SHISA9: variants seen among roughly 807,000 people sequenced by gnomAD.
SHISA9 encodes protein shisa-9.
In SHISA9, 13 loss-of-function variants were observed where a neutral mutation model predicts 38.0. The observed-to-expected ratio is 0.34, with a 90% CI of 0.22 to 0.54. SHISA9 has a LOEUF of 0.54. Among genes scored for constraint, SHISA9 ranks in the 20% least tolerant of loss-of-function variants. The probability of loss-of-function intolerance (pLI) is 0.91; values close to 1 mark genes in which losing one functional copy is unlikely to be tolerated. For synonymous variants in SHISA9, 275 were observed against 242.0 expected, an observed-to-expected ratio of 1.14 and a Z score of -1.27; for missense variants, 538 against 575.8, an observed-to-expected ratio of 0.93 and a Z score of 0.67.
intron 2 of SHISA9, among the ~76,000 whole-genome samples, chr16:12,978,626 A>G (rs1355670190): frequency 1.3e-5 from 2 of 152,224 alleles, no homozygotes; most frequent in Non-Finnish European, 2.9e-5. Flanking sequence ...GATGTGATAA[A>G]TAGCCCCAAA....
chr16:13,387,293 A>C, the SHISA9 span, among the ~76,000 whole-genome samples: 1 of 152,182 alleles, frequency 6.6e-6, no homozygotes, highest in Non-Finnish European at 1.5e-5. Flanking sequence ...AGATGAAGTC[A>C]TACTAGAGTA....
At chr16:13,559,547 TTA>T in the SHISA9 span, among the ~76,000 whole-genome samples, 2 of 151,914 alleles carry the variant, frequency 1.3e-5, no homozygotes, top group South Asian at 4.2e-4. Flanking sequence ...CTGGCTAATT[TTA>T]TATATATATT....
chr16:13,339,855 T>C, the SHISA9 span, among the ~76,000 whole-genome samples: 4 of 152,176 alleles, frequency 2.6e-5, no homozygotes, highest in South Asian at 8.3e-4. Flanking sequence ...GTTATGAAAG[T>C]TACATGAATA....
At chr16:12,962,502 A>G (rs1367692253) in intron 2 of SHISA9, among the ~76,000 whole-genome samples, 1 of 152,258 alleles carries the variant, frequency 6.6e-6, no homozygotes, top group Non-Finnish European at 1.5e-5. Context: ...GAGTTAGATT[A>G]GAATATCATG....
chr16:13,523,116 G>A, the SHISA9 span, among the ~76,000 whole-genome samples: 1 of 152,172 alleles, frequency 6.6e-6, no homozygotes, highest in Admixed American at 6.5e-5. Context: ...GGGAGGCCAA[G>A]GCGGGCAGAT....
chr16:13,534,538 C>T, the SHISA9 span, among the ~76,000 whole-genome samples: 1 of 152,100 alleles, frequency 6.6e-6, no homozygotes, highest in Non-Finnish European at 1.5e-5. Flanking sequence ...AGAATATTGA[C>T]TTATCAAGAT....
chr16:13,285,286 A>G, the SHISA9 span, among the ~76,000 whole-genome samples: 71 of 152,186 alleles, frequency 4.7e-4, no homozygotes, highest in African/African-American at 1.7e-3. Flanking sequence ...ATTCTTTTTC[A>G]TACAGTTAGA....
chr16:13,358,935 A>G, the SHISA9 span, among the ~76,000 whole-genome samples: 12 of 152,240 alleles, frequency 7.9e-5, no homozygotes, highest in African/African-American at 2.9e-4. Flanking sequence ...TACACTGTGT[A>G]TGGTACTGAA....
intron 2 of SHISA9, among the ~76,000 whole-genome samples, chr16:13,117,808 G>A (rs2074045420): frequency 6.6e-6 from 1 of 152,146 alleles, no homozygotes; most frequent in Non-Finnish European, 1.5e-5. Context: ...GCATCATCAG[G>A]AAACTGACAA....
chr16:12,993,455 C>T (rs1462974894), intron 2 of SHISA9, among the ~76,000 whole-genome samples: 1 of 152,168 alleles, frequency 6.6e-6, no homozygotes, highest in Non-Finnish European at 1.5e-5. Flanking sequence ...TTCTGAGCTT[C>T]AGTTTCCTTC....
chr16:13,097,853 C>T (rs2073842786), intron 2 of SHISA9, among the ~76,000 whole-genome samples: 2 of 152,232 alleles, frequency 1.3e-5, no homozygotes, highest in Non-Finnish European at 2.9e-5. Flanking sequence ...CATCCTACTT[C>T]ACCAGGTTGT....
intron 2 of SHISA9, among the ~76,000 whole-genome samples, chr16:13,038,141 C>G (rs1347613185): frequency 6.6e-6 from 1 of 152,080 alleles, no homozygotes; most frequent in African/African-American, 2.4e-5. Flanking sequence ...AGGTGTGCAC[C>G]ATCATGCCTG....
the SHISA9 span, among the ~76,000 whole-genome samples, chr16:13,478,215 C>A: frequency 6.6e-6 from 1 of 152,116 alleles, no homozygotes; most frequent in Admixed American, 6.5e-5. Flanking sequence ...TAAAAGAGAT[C>A]CTGAGTCACT....
chr16:13,231,784 C>A (rs899986729), intron 4 of SHISA9, among the ~76,000 whole-genome samples: 1 of 152,160 alleles, frequency 6.6e-6, no homozygotes, highest in African/African-American at 2.4e-5. Context: ...ATAGACACAG[C>A]ATCAGAAACA....
chr16:13,225,301 T>G (rs942264324), intron 4 of SHISA9, among the ~76,000 whole-genome samples: 1 of 152,132 alleles, frequency 6.6e-6, no homozygotes, highest in Admixed American at 6.5e-5. Flanking sequence ...TGCAAGAGAA[T>G]GTATTTCTGT....
At chr16:13,142,352 A>G (rs1345095785) in intron 2 of SHISA9, among the ~76,000 whole-genome samples, 1 of 152,190 alleles carries the variant, frequency 6.6e-6, no homozygotes, top group Non-Finnish European at 1.5e-5. Context: ...AGTTCCCCGA[A>G]CTATATTGCC....
chr16:12,984,134 C>T (rs2141825891), intron 2 of SHISA9, among the ~76,000 whole-genome samples: 1 of 152,272 alleles, frequency 6.6e-6, no homozygotes. Context: ...CCCTGGCCTT[C>T]CTACCAATTT....
At chr16:13,228,161 A>C (rs1284279855) in intron 4 of SHISA9, among the ~76,000 whole-genome samples, 1 of 152,162 alleles carries the variant, frequency 6.6e-6, no homozygotes, top group South Asian at 2.1e-4. Flanking sequence ...ATAAACTCAG[A>C]TCTGTCTCAT....
intron 2 of SHISA9, among the ~76,000 whole-genome samples, chr16:13,075,851 G>A (rs1006596547): frequency 6.6e-6 from 1 of 151,976 alleles, no homozygotes; most frequent in South Asian, 2.1e-4. Context: ...GGCATTCGGG[G>A]CCAGATGATT....
Sources: gnomAD v4.1 joint callset for allele counts (sites outside exome capture counted in the v4.1 genomes callset) on GRCh38, gnomAD v4.1.1 for gene constraint, MANE v1.5 for transcripts, NCBI Gene and HGNC (gene_info 2026-07-23, HGNC 2026-07-21) for gene names.